SCP2: variants seen among roughly 807,000 people sequenced by gnomAD.
SCP2 encodes sterol carrier protein 2.
SCP2 carries 48 observed loss-of-function variants against 71.4 expected under a neutral mutation model. The observed-to-expected ratio is 0.67, with a 90% CI of 0.53 to 0.86. SCP2 has a LOEUF of 0.86. Ranked by LOEUF, SCP2 falls within the 40% of genes least tolerant of loss-of-function variation. The probability of loss-of-function intolerance (pLI) is 0.00; values close to 1 mark genes in which losing one functional copy is unlikely to be tolerated. For synonymous variants in SCP2, 220 were observed against 218.1 expected, an observed-to-expected ratio of 1.01 and a Z score of -0.08; for missense variants, 560 against 655.6, an observed-to-expected ratio of 0.85 and a Z score of 1.59.
intron 15 of SCP2, 167 bp downstream of exon 15, chr1:53,048,104 C>T (rs1348818289): frequency 3.1e-6 from 2 of 646,882 alleles, no homozygotes; most frequent in Non-Finnish European, 5.8e-6. Context: ...CACACACTGT[C>T]TTGTGTGCTG....
chr1:52,994,125 T>G, intron 11 of SCP2: 1 of 1,059,802 alleles, frequency 9.4e-7, no homozygotes, highest in South Asian at 3.2e-5. Flanking sequence ...TAAACTGTTT[T>G]CTTTATTCCT....
chr1:53,004,942 A>G (rs11206068), intron 11 of SCP2, among the ~76,000 whole-genome samples: 10,480 of 152,214 alleles, frequency 0.069, 480 homozygotes, highest in African/African-American at 0.13. Flanking sequence ...GCGCTTTTCC[A>G]ATGGTCTTAG....
intron 6 of SCP2, among the ~76,000 whole-genome samples, chr1:52,968,232 C>T (rs980650275): frequency 3.9e-5 from 6 of 152,136 alleles, no homozygotes; most frequent in Non-Finnish European, 8.8e-5. Flanking sequence ...TTAGCCACCA[C>T]GCCGGCCTCT....
At chr1:53,006,708 G>A (rs1441336898) in intron 11 of SCP2, among the ~76,000 whole-genome samples, 1 of 152,188 alleles carries the variant, frequency 6.6e-6, no homozygotes, top group Non-Finnish European at 1.5e-5. Flanking sequence ...ATGCTAGGAA[G>A]AAACTGCATC....
Position 53,051,290 on chromosome 1 carries a change from T to C in SCP2, c.*586T>C, listed in dbSNP as rs1664182458. 6.6e-6 allele frequency: 1 copy of C among 152,202 alleles called. No homozygotes were observed. The highest frequency in any genetic ancestry group is 1.5e-5 in the Non-Finnish European group (1 of 68,046). 9.4% of individuals were successfully genotyped at this position (152,202 alleles called of 1,614,324 possible). On this transcript the variant is annotated 3_prime_UTR_variant, in exon 16 of 16. Transcript: ENST00000371514. Reference sequence around the variant, plus strand: ...TGATCAGAGCTTGAACACAGGCTTATTTTTAAAATAAAAATATTTTTAACA... The same window carrying C: ...TGATCAGAGCTTGAACACAGGCTTACTTTTAAAATAAAAATATTTTTAACA...
chr1:52,949,924 G>A (rs1198603045), intron 3 of SCP2, among the ~76,000 whole-genome samples: 1 of 152,024 alleles, frequency 6.6e-6, no homozygotes, highest in East Asian at 1.9e-4. Flanking sequence ...GAGGAGGAAA[G>A]TCTTTGAAGA....
chr1:53,013,134 C>G (rs955335243), intron 11 of SCP2, among the ~76,000 whole-genome samples: 6 of 100,974 alleles, frequency 5.9e-5, no homozygotes, highest in African/African-American at 2.4e-4. Context: ...TTTTTTGAGA[C>G]AGGGTCTCCC....
chr1:52,948,166 T>C (rs2150122070), intron 3 of SCP2, 86 bp downstream of exon 3: 1 of 866,836 alleles, frequency 1.2e-6, no homozygotes, highest in Admixed American at 1.8e-5. Flanking sequence ...TTGTGAATTT[T>C]AACCCTCAAA....
chr1:53,010,572 G>A (rs1660923764), intron 11 of SCP2, among the ~76,000 whole-genome samples: 1 of 150,156 alleles, frequency 6.7e-6, no homozygotes, highest in African/African-American at 2.4e-5. Flanking sequence ...GGTGGGAATT[G>A]AACAATGAGA....
intron 3 of SCP2, 37 bp from the exon 4 acceptor site, chr1:52,950,718 T>A: frequency 6.3e-7 from 1 of 1,587,716 alleles, no homozygotes; most frequent in South Asian, 1.1e-5. Context: ...TGCAACTCCA[T>A]AATTCTCCAT....
chr1:52,959,448 A>G (rs1308676970), intron 5 of SCP2, among the ~76,000 whole-genome samples: 1 of 150,710 alleles, frequency 6.6e-6, no homozygotes, highest in Non-Finnish European at 1.5e-5. Context: ...ACCCGCCTCG[A>G]CCTCCCAAAG....
rs145935532 is a variant in SCP2 at position 52,960,717 on chromosome 1, CGTGTGTGTGTGT to C, written c.397-771_397-760del. 1.2e-4 allele frequency among the ~76,000 whole-genome samples: 13 copies of C among 104,084 alleles called. No individual in the cohort carries two copies. In the East Asian group the frequency reaches 2.3e-3, roughly 18 times the overall value. 68.3% of individuals were successfully genotyped at this position (104,084 alleles called of 152,430 possible). ...GTGTGTTGTGTGTATATATTATGTG[CGTGTGTGTGTGT>C]GTGTGTGTGTGTGTATATTTATTTA... On this transcript the variant is annotated intron_variant, in intron 5 of 15. Coordinates refer to ENST00000371514, the MANE Select transcript of SCP2 (RefSeq NM_002979.5).
At chr1:52,933,899 G>A (rs1035126160) in intron 1 of SCP2, among the ~76,000 whole-genome samples, 2 of 152,076 alleles carry the variant, frequency 1.3e-5, no homozygotes, top group African/African-American at 4.8e-5. Flanking sequence ...TAACACTGTT[G>A]GCATCTTAGC....
At chr1:52,974,644 A>G (rs1657787021) in intron 6 of SCP2, 125 bp from the exon 7 acceptor site, 2 of 730,444 alleles carry the variant, frequency 2.7e-6, no homozygotes, top group Non-Finnish European at 5.1e-6. Context: ...AGTCTTTAAT[A>G]CTGATGATAT....
intron 1 of SCP2, among the ~76,000 whole-genome samples, chr1:52,936,538 A>C (rs1039864346): frequency 1.3e-5 from 2 of 152,250 alleles, no homozygotes; most frequent in African/African-American, 4.8e-5. Context: ...ATTCAACTAC[A>C]TGAGTATGCA....
chr1:52,952,727 A>G (rs1457700915), intron 4 of SCP2, among the ~76,000 whole-genome samples: 1 of 152,072 alleles, frequency 6.6e-6, no homozygotes, highest in Non-Finnish European at 1.5e-5. Context: ...TGACTGTGCC[A>G]CTATACTCCA....
At chr1:53,008,819 C>A (rs1305155320) in intron 11 of SCP2, among the ~76,000 whole-genome samples, 7 of 151,992 alleles carry the variant, frequency 4.6e-5, no homozygotes, top group East Asian at 1.9e-4. Context: ...GTATTCAATT[C>A]GGAAAAGAGG....
At chr1:52,959,144 G>T (rs1238486433) in intron 5 of SCP2, among the ~76,000 whole-genome samples, 1 of 151,696 alleles carries the variant, frequency 6.6e-6, no homozygotes, top group African/African-American at 2.4e-5. Flanking sequence ...ATTTTTGGTA[G>T]AATTCACCAG....
intron 14 of SCP2, among the ~76,000 whole-genome samples, chr1:53,042,791 A>G (rs1384984308): frequency 6.6e-6 from 1 of 152,218 alleles, no homozygotes; most frequent in African/African-American, 2.4e-5. Context: ...AGTAAGATTT[A>G]CTTAAATGTA....
Sources: gnomAD v4.1 joint callset for allele counts (sites outside exome capture counted in the v4.1 genomes callset) on GRCh38, gnomAD v4.1.1 for gene constraint, MANE v1.5 for transcripts, NCBI Gene and HGNC (gene_info 2026-07-23, HGNC 2026-07-21) for gene names.